SGCZ: variants seen among roughly 807,000 people sequenced by gnomAD.
The protein encoded by SGCZ is sarcoglycan zeta.
SGCZ carries 40 observed loss-of-function variants against 41.3 expected under a neutral mutation model. That is an observed-to-expected ratio of 0.97 (90% CI 0.75 to 1.26). SGCZ has a LOEUF of 1.26. Among genes scored for constraint, SGCZ ranks in the 50% most tolerant of loss-of-function variants. The pLI, the probability that SGCZ is intolerant of heterozygous loss-of-function variation, is 0.00. For synonymous variants in SGCZ, 206 were observed against 137.5 expected (o/e 1.50, Z -3.49); for missense variants, 552 against 369.8 (o/e 1.49, Z -4.04).
chr8:14,254,029 C>T (rs187628158), intron 3 of SGCZ, among the ~76,000 whole-genome samples: 2 of 152,220 alleles, frequency 1.3e-5, no homozygotes, highest in African/African-American at 4.8e-5. Context: ...AACAGTACTT[C>T]TTCCAAAAAG....
intron 1 of SGCZ, among the ~76,000 whole-genome samples, chr8:14,714,666 A>G (rs1809630384): frequency 6.6e-6 from 1 of 152,220 alleles, no homozygotes; most frequent in South Asian, 2.1e-4. Context: ...TAAAATATCC[A>G]AGAGAAAACT....
intron 3 of SGCZ, among the ~76,000 whole-genome samples, chr8:14,245,156 A>G (rs112942808): frequency 2.1e-4 from 32 of 152,284 alleles, no homozygotes; most frequent in East Asian, 7.7e-4. Context: ...GAGAAAGGGC[A>G]TACCTGTCTT....
At position 14,767,193 on chromosome 8, in the gene SGCZ, T is replaced by C. The variant is rs189564128; in HGVS notation, c.40-212267A>G. 1.2e-3 allele frequency among the ~76,000 whole-genome samples: 179 copies of C among 152,270 alleles called. 1 individual carries two copies. The highest frequency in any genetic ancestry group is 4.1e-3 in the African/African-American group (170 of 41,564). On this transcript the variant is annotated intron_variant, in intron 1 of 7. Coordinates refer to ENST00000382080, the MANE Select transcript of SGCZ (RefSeq NM_139167.4). Reference sequence around the variant, plus strand: ...GTGGCAGAAATGACATGGCACAAGGTCTATCTCCTAGGCCTCCAAGGCCTT... The same window carrying C: ...GTGGCAGAAATGACATGGCACAAGGCCTATCTCCTAGGCCTCCAAGGCCTT...
At chr8:14,384,188 T>C (rs1804481236) in intron 2 of SGCZ, among the ~76,000 whole-genome samples, 1 of 152,042 alleles carries the variant, frequency 6.6e-6, no homozygotes, top group African/African-American at 2.4e-5. Context: ...ATTGTTCAAT[T>C]CCCACCTATG....
intron 2 of SGCZ, among the ~76,000 whole-genome samples, chr8:14,458,593 A>C (rs960136121): frequency 1.3e-5 from 2 of 152,204 alleles, no homozygotes; most frequent in South Asian, 4.1e-4. Flanking sequence ...GGTTTTAAAA[A>C]TACAGATAAA....
chr8:15,031,410 CT>C (rs938052633), intron 1 of SGCZ, among the ~76,000 whole-genome samples: 1 of 152,128 alleles, frequency 6.6e-6, no homozygotes, highest in African/African-American at 2.4e-5. Flanking sequence ...CCTTAAGAAG[CT>C]TTTTGTTTTG....
chr8:14,906,688 A>G (rs1313345411), intron 1 of SGCZ, among the ~76,000 whole-genome samples: 2 of 152,330 alleles, frequency 1.3e-5, no homozygotes, highest in South Asian at 2.1e-4. Flanking sequence ...AGGATTTACA[A>G]GAATGAAGAT....
chr8:14,222,232 G>A (rs538342164), intron 4 of SGCZ, among the ~76,000 whole-genome samples: 11 of 151,680 alleles, frequency 7.3e-5, no homozygotes, highest in African/African-American at 1.7e-4. Context: ...GTGCAGTGGC[G>A]CAATCTCCAT....
At chr8:14,214,571 T>G (rs1215938380) in intron 4 of SGCZ, among the ~76,000 whole-genome samples, 6 of 152,116 alleles carry the variant, frequency 3.9e-5, no homozygotes, top group African/African-American at 1.4e-4. Flanking sequence ...AAAAGTGTAT[T>G]TATAAATAGA....
intron 1 of SGCZ, among the ~76,000 whole-genome samples, chr8:14,915,016 A>C (rs1419865876): frequency 8.5e-5 from 13 of 152,126 alleles, no homozygotes; most frequent in Admixed American, 8.5e-4. Context: ...GCTACATCTA[A>C]TTTATGTATC....
intron 1 of SGCZ, among the ~76,000 whole-genome samples, chr8:14,959,068 A>G (rs1422494919): frequency 4.6e-5 from 7 of 152,114 alleles, no homozygotes; most frequent in Admixed American, 3.9e-4. Flanking sequence ...ACTAATGCCA[A>G]CTTACTGTAT....
chr8:14,224,096 C>T (rs1439627557), intron 4 of SGCZ, among the ~76,000 whole-genome samples: 1 of 152,060 alleles, frequency 6.6e-6, no homozygotes, highest in African/African-American at 2.4e-5. Flanking sequence ...ATTCTGGTAC[C>T]CTTAGCTCAA....
chr8:14,306,666 G>T (rs1205458019), intron 3 of SGCZ, among the ~76,000 whole-genome samples: 1 of 151,112 alleles, frequency 6.6e-6, no homozygotes, highest in Non-Finnish European at 1.5e-5. Context: ...ATGACACTGT[G>T]TCATATAGAC....
intron 1 of SGCZ, among the ~76,000 whole-genome samples, chr8:15,235,294 G>T (rs1802085821): frequency 6.6e-6 from 1 of 152,160 alleles, no homozygotes; most frequent in Admixed American, 6.5e-5. Context: ...CACAAGTGTA[G>T]TCAAAACTGC....
rs184458758 is a variant in SGCZ, at chr8:14,245,006, G to A, written c.337-7327C>T. Among the ~76,000 whole-genome samples, 325 of 152,126 alleles carry A rather than the reference G, an allele frequency of 2.1e-3. 1 individual carries two copies. The highest frequency in any genetic ancestry group is 6.5e-3 in the African/African-American group (269 of 41,482). On this transcript the variant is annotated intron_variant, in intron 3 of 7. Coordinates refer to ENST00000382080, the MANE Select transcript of SGCZ (RefSeq NM_139167.4). ...AGGAGATTTTGGGCTGAGACAATGG[G>A]GTTTTCTCAGTATACAATCATGTCA...
intron 1 of SGCZ, among the ~76,000 whole-genome samples, chr8:15,011,657 A>G (rs575363993): frequency 1.1e-3 from 161 of 152,306 alleles, no homozygotes; most frequent in Middle Eastern, 6.8e-3. Flanking sequence ...TATTACTACT[A>G]TCTAAATACT....
chr8:14,260,194 T>C (rs1188247304), intron 3 of SGCZ, among the ~76,000 whole-genome samples: 1 of 151,972 alleles, frequency 6.6e-6, no homozygotes, highest in Non-Finnish European at 1.5e-5. Flanking sequence ...CGCAACCTAC[T>C]CATCTGACAA....
chr8:14,529,593 G>A (rs1417107715), intron 2 of SGCZ, among the ~76,000 whole-genome samples: 1 of 152,108 alleles, frequency 6.6e-6, no homozygotes, highest in Non-Finnish European at 1.5e-5. Context: ...ATTTGGGTAT[G>A]CAATGGAGAG....
intron 3 of SGCZ, chr8:14,309,700 A>G (rs1801464626): frequency 4.3e-6 from 7 of 1,609,362 alleles, no homozygotes; most frequent in Non-Finnish European, 5.9e-6. Flanking sequence ...GTATTCTCAC[A>G]GGAGACTGAG....
Sources: allele counts gnomAD v4.1 joint callset (sites outside exome capture counted in the v4.1 genomes callset), GRCh38; gene constraint gnomAD v4.1.1; transcripts MANE v1.5; gene names NCBI Gene and HGNC (gene_info 2026-07-23, HGNC 2026-07-21).